The following ZNF423 variants were observed in gnomAD, a reference collection of about 807,000 sequenced individuals.
ZNF423 encodes the protein Ebf-associated zinc finger protein.
ZNF423 carries 12 observed loss-of-function variants against 95.8 expected under a neutral mutation model. That is an observed-to-expected ratio of 0.13 (90% CI 0.08 to 0.20). ZNF423 has a LOEUF of 0.20. ZNF423 is among the 10% of genes least tolerant of loss of function. ZNF423 has a pLI of 1.00. For synonymous variants in ZNF423, 749 were observed against 711.9 expected, an observed-to-expected ratio of 1.05 and a Z score of -0.83; for missense variants, 1,316 against 1,737.1, an observed-to-expected ratio of 0.76 and a Z score of 4.31.
Position 49,505,731 on chromosome 16 carries a change from A to T in ZNF423, c.3850-14427T>A, listed in dbSNP as rs553382628. Among the ~76,000 whole-genome samples the T allele has an allele frequency of 7.2e-5, 11 of 152,352 alleles. No individual in the cohort carries two copies. In the South Asian group the frequency reaches 2.3e-3, roughly 32 times the overall value. On this transcript the variant is annotated intron_variant, in intron 7 of 7. Coordinates refer to ENST00000563137, the MANE Select transcript of ZNF423 (RefSeq NM_001379286.1). ...GAGGGGGTCCAACCTGGCACCCAGC[A>T]AAGGGTGATCCCGTCACCCAGAAAG...
intron 1 of ZNF423, among the ~76,000 whole-genome samples, chr16:49,806,106 A>C (rs1387838276): frequency 6.6e-6 from 1 of 152,282 alleles, no homozygotes; most frequent in African/African-American, 2.4e-5. Flanking sequence ...AACGTGCAGC[A>C]TATAAACGTG....
intron 1 of ZNF423, among the ~76,000 whole-genome samples, chr16:49,820,105 G>T (rs992572818): frequency 7.9e-5 from 12 of 152,088 alleles, no homozygotes; most frequent in Admixed American, 7.9e-4. Context: ...TGAATGGATG[G>T]ACAGATGGAT....
At chr16:49,642,421 G>A (rs1973004819) in intron 3 of ZNF423, among the ~76,000 whole-genome samples, 1 of 152,200 alleles carries the variant, frequency 6.6e-6, no homozygotes, top group Admixed American at 6.5e-5. Flanking sequence ...GTTCATTGCA[G>A]GCTGGCTGCT....
rs553615457 is a variant in ZNF423 at position 49,671,752 on chromosome 16, C to T, written c.302-32878G>A. ...AGGCTGGAGAGTGCTGGTGCGATCT[C>T]GGCTCATTAGCAACCTCCACCTCCT... On this transcript the variant is annotated intron_variant, in intron 3 of 7. Coordinates refer to ENST00000563137, the MANE Select transcript of ZNF423 (RefSeq NM_001379286.1). 5.3e-5 allele frequency among the ~76,000 whole-genome samples: 8 copies of T among 152,200 alleles called. No homozygotes were observed. In the East Asian group the frequency reaches 7.7e-4, roughly 15 times the overall value.
At chr16:49,664,468 G>A (rs1341116574) in intron 3 of ZNF423, among the ~76,000 whole-genome samples, 1 of 152,242 alleles carries the variant, frequency 6.6e-6, no homozygotes, top group Non-Finnish European at 1.5e-5. Flanking sequence ...CCCCGGGGGC[G>A]ACCGAGGAGT....
chr16:49,648,873 T>C (rs935202212), intron 3 of ZNF423, among the ~76,000 whole-genome samples: 1 of 152,092 alleles, frequency 6.6e-6, no homozygotes, highest in Non-Finnish European at 1.5e-5. Flanking sequence ...CTAGGAAATT[T>C]GGGGGTATTG....
At chr16:49,622,034 A>G (rs1370258806) in intron 5 of ZNF423, among the ~76,000 whole-genome samples, 2 of 152,192 alleles carry the variant, frequency 1.3e-5, no homozygotes, top group African/African-American at 4.8e-5. Flanking sequence ...ATGGCTCCCT[A>G]GCGCTTAAGT....
chr16:49,502,875 C>T (rs1212792061), intron 7 of ZNF423, among the ~76,000 whole-genome samples: 4 of 125,470 alleles, frequency 3.2e-5, no homozygotes, highest in Admixed American at 1.6e-4. Flanking sequence ...ATCCCATGTG[C>T]CCACACACAT....
rs902795337 is a variant in ZNF423 at position 49,771,616 on chromosome 16, A to G, written c.100+17871T>C. ...CATACTGTTCTCATGGTAGTGAGTA[A>G]ATCTCACAAGATCTGATGATTTTAT... is the stretch of plus-strand genomic sequence containing the variant. On this transcript the variant is annotated intron_variant, in intron 2 of 7. Transcript: ENST00000563137. Among the ~76,000 whole-genome samples, 164 of 152,224 alleles carry G rather than the reference A, an allele frequency of 1.1e-3. 2 individuals are homozygous for G. The highest frequency in any genetic ancestry group is 3.8e-3 in the African/African-American group (157 of 41,554).
At chr16:49,704,525 A>G (rs1439975865) in intron 3 of ZNF423, among the ~76,000 whole-genome samples, 9 of 151,892 alleles carry the variant, frequency 5.9e-5, no homozygotes, top group African/African-American at 2.2e-4. Flanking sequence ...CTGTACCCTC[A>G]CCCCCAAGAC....
chr16:49,582,698 T>C (rs1597135578), intron 5 of ZNF423, among the ~76,000 whole-genome samples: 1 of 152,074 alleles, frequency 6.6e-6, no homozygotes, highest in African/African-American at 2.4e-5. Flanking sequence ...TCAAGAGGGG[T>C]TAGAGAAGGA....
At chr16:49,703,980 T>C (rs946478230) in intron 3 of ZNF423, among the ~76,000 whole-genome samples, 1 of 152,118 alleles carries the variant, frequency 6.6e-6, no homozygotes, top group Admixed American at 6.5e-5. Flanking sequence ...ATAAAAGCCA[T>C]TTAAGTCTAC....
Position 49,635,366 on chromosome 16 carries a change from G to A in ZNF423, c.3516+294C>T, listed in dbSNP as rs535395884. 5.9e-5 allele frequency among the ~76,000 whole-genome samples: 9 copies of A among 152,280 alleles called. No individual in the cohort carries two copies. The highest frequency in any genetic ancestry group is 2.1e-4 in the South Asian group (1 of 4,824). On this transcript the variant is annotated intron_variant, in intron 4 of 7. Coordinates refer to ENST00000563137, the MANE Select transcript of ZNF423 (RefSeq NM_001379286.1). The surrounding 1 kb of genome is among the most constrained non-coding windows in gnomAD (Gnocchi z 4.8). ...GGCACATTACCTGTATGATGTCCTC[G>A]GCCTCTTACAACAATTCTCTGAGGT...
At position 49,652,046 on chromosome 16, in the gene ZNF423, T is replaced by C. The variant is rs151197522; in HGVS notation, c.302-13172A>G. Among the ~76,000 whole-genome samples the C allele has an allele frequency of 4.6e-3, 694 of 152,216 alleles. 4 individuals carry two copies. The highest frequency in any genetic ancestry group is 0.016 in the African/African-American group (658 of 41,530). ...ATTATACAGATGGAGCCCAACGCTC[T>C]CATTACACAAACAGAGAATCTAAGG... On this transcript the variant is annotated intron_variant, in intron 3 of 7. Transcript: ENST00000563137.
intron 5 of ZNF423, among the ~76,000 whole-genome samples, chr16:49,565,203 T>C: frequency 6.6e-6 from 1 of 152,190 alleles, no homozygotes; most frequent in East Asian, 1.9e-4. Flanking sequence ...GTAACCCTTT[T>C]CAGTGCAAAC....
intron 3 of ZNF423, among the ~76,000 whole-genome samples, chr16:49,679,378 T>C (rs142111900): frequency 0.012 from 1,795 of 152,324 alleles, 30 homozygotes; most frequent in African/African-American, 0.041. Flanking sequence ...ACCTAGCTCT[T>C]GGGAGCCTGG....
At chr16:49,570,985 A>G (rs1414140632) in intron 5 of ZNF423, among the ~76,000 whole-genome samples, 1 of 152,206 alleles carries the variant, frequency 6.6e-6, no homozygotes, top group African/African-American at 2.4e-5. Flanking sequence ...TCCTGAGCTA[A>G]CAGGAAAAGA....
rs772522532 is a variant in ZNF423, at chr16:49,638,483, C to T, written c.693G>A (p.Lys231=). 6 of 1,613,760 alleles carry T rather than the reference C, an allele frequency of 3.7e-6. No individual in the cohort carries two copies. The South Asian group carries it at 5.5e-5, about 15-fold the overall frequency. Residue 231 remains lysine, a synonymous_variant, in exon 4 of 8, where the codon AAG becomes AAA. Transcript: ENST00000563137. The surrounding 1 kb of genome is among the most constrained non-coding windows in gnomAD (Gnocchi z 5.6). ...LKTHSSSKPF[K]CTVCKRGFSS... The stretch of plus-strand genomic sequence containing the variant: ...AGAAGCCGCGCTTGCACACAGTGCA[C>T]TTGAAGGGCTTGCTGGAGCTGTGGG...
At chr16:49,677,410 T>C (rs1283966637) in intron 3 of ZNF423, among the ~76,000 whole-genome samples, 1 of 38,786 alleles carries the variant, frequency 2.6e-5, no homozygotes, top group Non-Finnish European at 5.0e-5. Context: ...AGAGAGAGAA[T>C]GGAAGGGAAG....
Sources: gnomAD v4.1 joint callset for allele counts (sites outside exome capture counted in the v4.1 genomes callset) on GRCh38, gnomAD v4.1.1 for gene constraint, Gnocchi (gnomAD v3.1) non-coding constraint, MANE v1.5 for transcripts, NCBI Gene and HGNC (gene_info 2026-07-23, HGNC 2026-07-21) for gene names.